CTNNA3: variants seen among roughly 807,000 people sequenced by gnomAD.
CTNNA3 encodes catenin alpha-3.
CTNNA3 carries 76 observed loss-of-function variants against 95.7 expected under a neutral mutation model. The ratio of observed to expected loss-of-function variants is 0.79; its 90% CI spans 0.66 to 0.96. CTNNA3 has a LOEUF of 0.96. Ranked by LOEUF, CTNNA3 falls within the 40% of genes least tolerant of loss-of-function variation. The pLI is 0.00. For synonymous variants in CTNNA3, 431 were observed against 374.4 expected, an observed-to-expected ratio of 1.15 and a Z score of -1.74; for missense variants, 1,191 against 1,089.8, an observed-to-expected ratio of 1.09 and a Z score of -1.31.
chr10:66,067,771 C>T (rs2080343634), intron 15 of CTNNA3, among the ~76,000 whole-genome samples: 1 of 152,020 alleles, frequency 6.6e-6, no homozygotes, highest in African/African-American at 2.4e-5. Context: ...CAAAAATTAG[C>T]TGGGTGTGGT....
chr10:66,378,895 TC>T (rs2092814667), intron 12 of CTNNA3, among the ~76,000 whole-genome samples: 1 of 152,228 alleles, frequency 6.6e-6, no homozygotes, highest in African/African-American at 2.4e-5. Flanking sequence ...TAATGAACAT[TC>T]TAAGTGGTTT....
intron 5 of CTNNA3, among the ~76,000 whole-genome samples, chr10:67,405,443 C>A (rs1845102102): frequency 6.6e-6 from 1 of 151,980 alleles, no homozygotes; most frequent in Non-Finnish European, 1.5e-5. Context: ...TCAAAAAAGA[C>A]AAAGAAGAGT....
chr10:66,405,148 G>A (rs1426869434), intron 11 of CTNNA3, among the ~76,000 whole-genome samples: 1 of 152,070 alleles, frequency 6.6e-6, no homozygotes, highest in Non-Finnish European at 1.5e-5. Flanking sequence ...TCTTTATACA[G>A]ATTCCAGTGA....
intron 11 of CTNNA3, among the ~76,000 whole-genome samples, chr10:66,499,260 C>A (rs184112227): frequency 6.6e-6 from 1 of 152,224 alleles, no homozygotes; most frequent in Admixed American, 6.5e-5. Context: ...CTTATTAAAT[C>A]ATGCAAAATT....
chr10:66,732,854 G>C (rs1002108070), intron 9 of CTNNA3, among the ~76,000 whole-genome samples: 1 of 151,832 alleles, frequency 6.6e-6, no homozygotes, highest in East Asian at 1.9e-4. Flanking sequence ...GGAGTGCAGC[G>C]ACATGATCTC....
intron 7 of CTNNA3, among the ~76,000 whole-genome samples, chr10:66,849,002 A>G (rs1412342059): frequency 6.6e-6 from 1 of 152,216 alleles, no homozygotes; most frequent in African/African-American, 2.4e-5. Flanking sequence ...ATTAGAAGGA[A>G]ATAATGAAGC....
intron 14 of CTNNA3, among the ~76,000 whole-genome samples, chr10:66,099,822 A>C (rs1777407197): frequency 6.6e-6 from 1 of 151,960 alleles, no homozygotes; most frequent in South Asian, 2.1e-4. Context: ...GTGGTGGTCT[A>C]TCTGTTTGTT....
In CTNNA3 at chr10:67,605,197, G is replaced by GTTTC. The variant is rs1206975839; in HGVS notation, c.292+1659_292+1660insGAAA. ...TGGTCTATATATACAAAGGAAAAAAGGAGAACCTGTCATTTGCCACAACAT... is the reference window on the plus strand; with the variant it reads ...TGGTCTATATATACAAAGGAAAAAAGTTTCGAGAACCTGTCATTTGCCACAACAT... On this transcript the variant is annotated intron_variant, in intron 3 of 17. Transcript: ENST00000433211. Among the ~76,000 whole-genome samples the GTTTC allele has an allele frequency of 9.6e-4, 146 of 152,272 alleles. 1 individual carries two copies. The highest frequency in any genetic ancestry group is 3.3e-3 in the African/African-American group (138 of 41,554).
intron 7 of CTNNA3, among the ~76,000 whole-genome samples, chr10:66,963,894 G>A (rs1243862765): frequency 6.6e-6 from 1 of 150,978 alleles, no homozygotes; most frequent in East Asian, 1.9e-4. Context: ...CCAGGCTGGA[G>A]TGCAGTGGCG....
At chr10:66,328,911 C>CATATATATAT (rs1554935009) in intron 12 of CTNNA3, among the ~76,000 whole-genome samples, 1,401 of 86,408 alleles carry the variant, frequency 0.016, 99 homozygotes, top group Admixed American at 0.089. Context: ...CACATATATA[C>CATATATATAT]ATATATATAT....
chr10:66,254,805 G>T (rs1477910992), intron 13 of CTNNA3, among the ~76,000 whole-genome samples: 7 of 152,170 alleles, frequency 4.6e-5, no homozygotes, highest in Non-Finnish European at 1.5e-5. Context: ...GGATCCTGAA[G>T]CCCTAGAGAA....
At chr10:67,240,894 T>C (rs1438677376) in intron 5 of CTNNA3, among the ~76,000 whole-genome samples, 1 of 152,212 alleles carries the variant, frequency 6.6e-6, no homozygotes, top group Non-Finnish European at 1.5e-5. Context: ...TCATTTCCTG[T>C]TCATCTGAAG....
intron 4 of CTNNA3, among the ~76,000 whole-genome samples, chr10:67,525,717 A>G (rs1431920093): frequency 6.6e-6 from 1 of 152,198 alleles, no homozygotes; most frequent in Admixed American, 6.5e-5. Flanking sequence ...CTCACTGCCA[A>G]CGCCCTGGCT....
intron 7 of CTNNA3, among the ~76,000 whole-genome samples, chr10:67,067,051 A>C (rs1000782315): frequency 1.3e-5 from 2 of 152,184 alleles, no homozygotes; most frequent in Non-Finnish European, 2.9e-5. Flanking sequence ...AGTGGCAACC[A>C]CTTCTGAATG....
chr10:66,931,793 G>A (rs1564775622), intron 7 of CTNNA3, among the ~76,000 whole-genome samples: 1 of 152,134 alleles, frequency 6.6e-6, no homozygotes, highest in African/African-American at 2.4e-5. Context: ...CTAGAAATAA[G>A]TGTCCAAGAT....
chr10:67,085,933 C>CTCAT (rs1174962852), intron 7 of CTNNA3, among the ~76,000 whole-genome samples: 6 of 151,660 alleles, frequency 4.0e-5, no homozygotes. Context: ...TATATAAAGC[C>CTCAT]TCATAGCAAC....
At chr10:67,055,463 A>G (rs1190246265) in intron 7 of CTNNA3, among the ~76,000 whole-genome samples, 2 of 152,164 alleles carry the variant, frequency 1.3e-5, no homozygotes, top group Non-Finnish European at 2.9e-5. Flanking sequence ...GCAAATAGGT[A>G]GGTGTTGTTT....
intron 15 of CTNNA3, among the ~76,000 whole-genome samples, chr10:66,049,856 C>T (rs60163459): frequency 6.6e-6 from 1 of 152,078 alleles, no homozygotes; most frequent in Admixed American, 6.6e-5. Context: ...GGCTTAATAC[C>T]TGGGTGATGA....
chr10:66,664,659 A>T (rs1031087012), intron 9 of CTNNA3, among the ~76,000 whole-genome samples: 7 of 151,804 alleles, frequency 4.6e-5, no homozygotes, highest in Middle Eastern at 3.4e-3. Flanking sequence ...CGTCTCTCCT[A>T]CTCTTCCTGG....
Sources: gnomAD v4.1 joint callset for allele counts (sites outside exome capture counted in the v4.1 genomes callset) on GRCh38, gnomAD v4.1.1 for gene constraint, MANE v1.5 for transcripts, NCBI Gene and HGNC (gene_info 2026-07-23, HGNC 2026-07-21) for gene names.